Variants in PIWIL4 observed in about 807,000 individuals in gnomAD.
PIWIL4 encodes piwi-like protein 4.
Under a neutral mutation model 100.9 loss-of-function variants are expected in PIWIL4, and 50 were observed. That is an observed-to-expected ratio of 0.50 (90% CI 0.39 to 0.63). The LOEUF is 0.63. PIWIL4 is among the 20% of genes least tolerant of loss of function. The pLI is 0.00. For synonymous variants in PIWIL4, 342 were observed against 367.5 expected, an observed-to-expected ratio of 0.93 and a Z score of 0.79; for missense variants, 887 against 1,043.3, an observed-to-expected ratio of 0.85 and a Z score of 2.06.
chr11:94,618,259 C>T (rs1019378784), intron 17 of PIWIL4, 152 bp downstream of exon 17: 6 of 769,580 alleles, frequency 7.8e-6, no homozygotes, highest in Non-Finnish European at 1.1e-5. Flanking sequence ...CTATCATTTC[C>T]TTCAGATTGG....
intron 4 of PIWIL4, among the ~76,000 whole-genome samples, chr11:94,579,442 A>T (rs1000210174): frequency 1.6e-4 from 25 of 152,320 alleles, no homozygotes; most frequent in African/African-American, 6.0e-4. Context: ...TTTCTGTGTG[A>T]AAAATTAAAA....
intron 5 of PIWIL4, 33 bp from the exon 6 acceptor site, chr11:94,585,408 TGATA>T (rs1215614860): frequency 6.9e-7 from 1 of 1,450,556 alleles, no homozygotes; most frequent in Admixed American, 1.8e-5. Context: ...TGTTACTGAC[TGATA>T]TTTACCAAAA....
At chr11:94,585,631 T>A (rs1948388752) in intron 6 of PIWIL4, 106 bp downstream of exon 6, 1 of 753,032 alleles carries the variant, frequency 1.3e-6, no homozygotes, top group African/African-American at 1.8e-5. Flanking sequence ...GACTCTGTGA[T>A]ATGAAATGTA....
intron 18 of PIWIL4, 45 bp downstream of exon 18, chr11:94,619,930 G>A (rs751399987): frequency 3.2e-5 from 51 of 1,613,868 alleles, no homozygotes; most frequent in Non-Finnish European, 3.7e-5. Context: ...CATTCATTGC[G>A]TCCAGTTTAT....
chr11:94,585,566 A>T (rs1285558289), intron 6 of PIWIL4, 41 bp downstream of exon 6: 1 of 1,434,784 alleles, frequency 7.0e-7, no homozygotes, highest in Non-Finnish European at 9.7e-7. Context: ...AAATTATTAT[A>T]ATGTGAGCAA....
intron 4 of PIWIL4, among the ~76,000 whole-genome samples, chr11:94,580,184 G>C (rs1279989138): frequency 2.0e-5 from 3 of 152,008 alleles, no homozygotes; most frequent in Non-Finnish European, 4.4e-5. Flanking sequence ...CAGATATAGG[G>C]GATACTAGGT....
At chr11:94,609,347 G>A (rs1417040527) in intron 15 of PIWIL4, among the ~76,000 whole-genome samples, 3 of 152,142 alleles carry the variant, frequency 2.0e-5, no homozygotes, top group Admixed American at 1.3e-4. Flanking sequence ...TTGGCTAATA[G>A]TACTCATTAA....
In PIWIL4 at chr11:94,607,574, G is replaced by A. The variant is rs550503915; in HGVS notation, c.1774G>A (p.Ala592Thr). 1.6e-5 allele frequency: 26 copies of A among 1,614,046 alleles called. No homozygotes were observed. Among genetic ancestry groups the A allele is most frequent in the Admixed American group, 8.3e-5 (5 of 60,008 alleles). Residue 592 changes from alanine to threonine, a missense_variant, in exon 14 of 20, where the codon GCC becomes ACC. Coordinates refer to ENST00000299001, the MANE Select transcript of PIWIL4 (RefSeq NM_152431.3). ...LNKQGMMMSI[A>T]TKIAMQMTCK... ...TAAACAGGGCATGATGATGAGTATC[G>A]CCACCAAGATCGCTATGCAGATGAC...
At chr11:94,615,422 G>C (rs1347439072) in intron 15 of PIWIL4, among the ~76,000 whole-genome samples, 1 of 152,138 alleles carries the variant, frequency 6.6e-6, no homozygotes, top group Admixed American at 6.5e-5. Flanking sequence ...TCCATTCTCT[G>C]ATGTTTTACT....
In PIWIL4 at chr11:94,616,563, G is replaced by A; in HGVS notation, c.2014G>A (p.Gly672Arg). Residue 672 changes from glycine (G) to arginine (R), a missense_variant and splice_region_variant, in exon 16 of 20, where the codon GGA becomes AGA. Physicochemically the swap from Gly to Arg is moderately radical, Grantham distance 125. This residue lies in a region of PIWIL4 where 741 missense variants were observed against 930.0 expected (regional missense o/e 0.80). Coordinates refer to ENST00000299001, the MANE Select transcript of PIWIL4 (RefSeq NM_152431.3). ...VADCLKVFMT[G>R]ALNKWYKYNH... ...AGATTGCTTGAAAGTTTTCATGACT[G>A]GTACTAAAAATATAGCAATGTGGGT... The A allele has an allele frequency of 6.2e-7, 1 of 1,602,020 alleles. No homozygotes were observed. The highest frequency in any genetic ancestry group is 8.5e-7 in the Non-Finnish European group (1 of 1,173,384).
At chr11:94,577,727 G>C (rs1238426560) in intron 4 of PIWIL4, among the ~76,000 whole-genome samples, 1 of 152,134 alleles carries the variant, frequency 6.6e-6, no homozygotes, top group Non-Finnish European at 1.5e-5. Flanking sequence ...AGAACTAAGG[G>C]TCCTGGGAAT....
intron 1 of PIWIL4, 198 bp downstream of exon 1, chr11:94,567,803 G>T (rs1215821326): frequency 3.3e-6 from 4 of 1,212,584 alleles, no homozygotes; most frequent in East Asian, 3.4e-5. Flanking sequence ...AGATATTAAC[G>T]TAGGTATATT....
chr11:94,595,086 G>T (rs1157638051), intron 9 of PIWIL4, among the ~76,000 whole-genome samples: 2 of 152,156 alleles, frequency 1.3e-5, no homozygotes, highest in African/African-American at 4.8e-5. Context: ...GGATATACTG[G>T]GCTAAATAAT....
chr11:94,596,515 C>G (rs1948561177), intron 10 of PIWIL4, among the ~76,000 whole-genome samples: 1 of 152,128 alleles, frequency 6.6e-6, no homozygotes, highest in Non-Finnish European at 1.5e-5. Context: ...GTAGCTTGCT[C>G]TTTTCACTTC....
intron 10 of PIWIL4, 23 bp from the exon 11 acceptor site, chr11:94,597,781 A>C (rs1300129773): frequency 6.5e-7 from 1 of 1,547,098 alleles, no homozygotes. Context: ...CTCTTTAATG[A>C]TTTAAAACAA....
At chr11:94,604,104 C>A in intron 13 of PIWIL4, 48 bp downstream of exon 13, 1 of 1,270,124 alleles carries the variant, frequency 7.9e-7, no homozygotes, top group South Asian at 1.4e-5. Flanking sequence ...AATTTTAGTT[C>A]TGCTTTATAT....
intron 17 of PIWIL4, among the ~76,000 whole-genome samples, chr11:94,619,306 G>A (rs549089864): frequency 2.0e-5 from 3 of 152,266 alleles, no homozygotes; most frequent in Admixed American, 1.3e-4. Flanking sequence ...CCAGGCATGA[G>A]TTTTGTGTAA....
At position 94,620,147 on chromosome 11, in the gene PIWIL4, G is replaced by A. The variant is rs1338655847; in HGVS notation, c.2442+3G>A. On this transcript the variant is annotated splice_donor_region_variant and intron_variant, in intron 19 of 19. Transcript: ENST00000299001. ...GCCACCTGTACTACAACTGGCCGGTGAGTGAAAGCTGTTTACTTAATGTAA... is the reference window on the plus strand; with the variant it reads ...GCCACCTGTACTACAACTGGCCGGTAAGTGAAAGCTGTTTACTTAATGTAA... 3.2e-6 allele frequency: 5 copies of A among 1,576,862 alleles called. No homozygotes were observed. In the Admixed American group the frequency reaches 7.4e-5, roughly 23 times the overall value.
intron 7 of PIWIL4, 70 bp from the exon 8 acceptor site, chr11:94,589,051 A>G: frequency 1.3e-5 from 14 of 1,069,426 alleles, no homozygotes; most frequent in Non-Finnish European, 2.0e-5. Context: ...TGTTGAATTA[A>G]AAGTGTGGTG....
Sources: gnomAD v4.1 joint callset for allele counts (sites outside exome capture counted in the v4.1 genomes callset) on GRCh38, gnomAD v4.1.1 for gene constraint, gnomAD v4.1.1 regional missense constraint, MANE v1.5 for transcripts, NCBI Gene and HGNC (gene_info 2026-07-23, HGNC 2026-07-21) for gene names.